CDH12: variants seen among roughly 807,000 people sequenced by gnomAD.
CDH12 encodes cadherin 12, also known as cadherin-12.
CDH12 carries 41 observed loss-of-function variants against 74.1 expected under a neutral mutation model. The observed-to-expected ratio is 0.55, with a 90% CI of 0.43 to 0.72. The LOEUF (loss-of-function observed/expected upper bound fraction) is 0.72, where lower values mean the gene tolerates loss of function less well. Ranked by LOEUF, CDH12 falls within the 30% of genes least tolerant of loss-of-function variation. CDH12 has a pLI of 0.00. For synonymous variants in CDH12, 399 were observed against 355.0 expected (o/e 1.12, Z -1.39); for missense variants, 945 against 977.2 (o/e 0.97, Z 0.44).
At chr5:22,214,827 C>T (rs529015132) in intron 3 of CDH12, among the ~76,000 whole-genome samples, 17 of 152,306 alleles carry the variant, frequency 1.1e-4, no homozygotes, top group Admixed American at 9.2e-4. Flanking sequence ...AATAACCAGC[C>T]TTTCTGTTCT....
At chr5:22,180,605 C>T (rs4438844) in intron 4 of CDH12, among the ~76,000 whole-genome samples, 1,735 of 152,018 alleles carry the variant, frequency 0.011, 33 homozygotes, top group African/African-American at 0.04. Flanking sequence ...CTCTGCCTCC[C>T]GGGTTTCAAG....
At chr5:22,741,305 T>C (rs1484787260) in intron 1 of CDH12, among the ~76,000 whole-genome samples, 1 of 152,214 alleles carries the variant, frequency 6.6e-6, no homozygotes, top group Non-Finnish European at 1.5e-5. Context: ...GATTCTTTGC[T>C]TTTACATTTA....
chr5:22,700,580 C>T (rs1014004326), intron 1 of CDH12, among the ~76,000 whole-genome samples: 1 of 152,192 alleles, frequency 6.6e-6, no homozygotes, highest in Non-Finnish European at 1.5e-5. Flanking sequence ...AAGCAGAAAC[C>T]GTGATAAGAA....
chr5:22,302,987 A>G (rs1386075128), intron 3 of CDH12, among the ~76,000 whole-genome samples: 1 of 152,160 alleles, frequency 6.6e-6, no homozygotes, highest in South Asian at 2.1e-4. Context: ...ATAACTAAGA[A>G]GTGTATACTG....
chr5:22,284,116 C>CA (rs1442701827), intron 3 of CDH12, among the ~76,000 whole-genome samples: 2 of 152,108 alleles, frequency 1.3e-5, no homozygotes, highest in African/African-American at 4.8e-5. Flanking sequence ...CTCGATGTGA[C>CA]AGAGTATAAA....
intron 2 of CDH12, among the ~76,000 whole-genome samples, chr5:22,443,258 A>C (rs1744695207): frequency 6.6e-6 from 1 of 152,114 alleles, no homozygotes; most frequent in South Asian, 2.1e-4. Flanking sequence ...AACAGCACAA[A>C]ACCTAAAATT....
intron 1 of CDH12, among the ~76,000 whole-genome samples, chr5:22,717,253 T>A (rs916703356): frequency 2.0e-5 from 3 of 152,274 alleles, no homozygotes; most frequent in Middle Eastern, 3.4e-3. Flanking sequence ...CCTTTTTTTT[T>A]AATCTTTTAC....
intron 1 of CDH12, among the ~76,000 whole-genome samples, chr5:22,713,814 C>T (rs923843259): frequency 1.3e-5 from 2 of 152,064 alleles, no homozygotes; most frequent in African/African-American, 2.4e-5. Context: ...TCACCTTATC[C>T]TGACTTTTAA....
chr5:22,233,736 G>C (rs73742071), intron 3 of CDH12, among the ~76,000 whole-genome samples: 1 of 152,080 alleles, frequency 6.6e-6, no homozygotes, highest in East Asian at 1.9e-4. Context: ...ATGATATAAA[G>C]TTGGACAAAG....
intron 2 of CDH12, among the ~76,000 whole-genome samples, chr5:22,452,966 A>T (rs529204517): frequency 6.6e-6 from 1 of 151,670 alleles, no homozygotes; most frequent in Non-Finnish European, 1.5e-5. Flanking sequence ...AAAAATAGCC[A>T]AAAGGTATGT....
At chr5:21,783,748 A>G (rs1447396247) in intron 10 of CDH12, among the ~76,000 whole-genome samples, 2 of 152,126 alleles carry the variant, frequency 1.3e-5, no homozygotes, top group Non-Finnish European at 2.9e-5. Flanking sequence ...CTCAGCAGAG[A>G]CTAAAATTCT....
chr5:22,101,575 C>A (rs962695958), intron 4 of CDH12, among the ~76,000 whole-genome samples: 1 of 151,986 alleles, frequency 6.6e-6, no homozygotes, highest in African/African-American at 2.4e-5. Context: ...TTCAAGTCTG[C>A]ACAGAAGTAT....
At chr5:21,909,099 A>G (rs1753759274) in intron 6 of CDH12, among the ~76,000 whole-genome samples, 1 of 152,146 alleles carries the variant, frequency 6.6e-6, no homozygotes, top group Admixed American at 6.6e-5. Flanking sequence ...ATTGTTTAAT[A>G]ATTTAGACTG....
intron 6 of CDH12, among the ~76,000 whole-genome samples, chr5:21,893,228 G>A (rs934678456): frequency 1.3e-5 from 2 of 151,902 alleles, no homozygotes; most frequent in Non-Finnish European, 2.9e-5. Flanking sequence ...TCATTTGAAT[G>A]CGTGTTTGCA....
chr5:21,937,614 G>A (rs1755131560), intron 6 of CDH12, among the ~76,000 whole-genome samples: 1 of 152,208 alleles, frequency 6.6e-6, no homozygotes. Flanking sequence ...TGTCAACCAA[G>A]ATAGGGAATA....
intron 1 of CDH12, among the ~76,000 whole-genome samples, chr5:22,570,091 C>T (rs569095283): frequency 8.8e-4 from 134 of 151,828 alleles, no homozygotes; most frequent in Middle Eastern, 3.4e-3. Context: ...AGTCTCGCTG[C>T]GATGCCCAGG....
chr5:22,229,315 A>G (rs904511513), intron 3 of CDH12, among the ~76,000 whole-genome samples: 3 of 150,878 alleles, frequency 2.0e-5, no homozygotes, highest in Admixed American at 6.7e-5. Context: ...TATCACTTCT[A>G]AAATCAAGTA....
At chr5:22,095,594 G>T (rs1050269137) in intron 4 of CDH12, among the ~76,000 whole-genome samples, 4 of 151,180 alleles carry the variant, frequency 2.6e-5, no homozygotes, top group Non-Finnish European at 2.9e-5. Flanking sequence ...TTTCTGGGGG[G>T]CAAGAACCCC....
chr5:22,119,138 GA>G (rs1042449322), intron 4 of CDH12, among the ~76,000 whole-genome samples: 2 of 152,046 alleles, frequency 1.3e-5, no homozygotes, highest in Non-Finnish European at 2.9e-5. Flanking sequence ...TCGTTGTCAG[GA>G]GTCAGGCAAA....
Sources: allele counts gnomAD v4.1 joint callset (sites outside exome capture counted in the v4.1 genomes callset), GRCh38; gene constraint gnomAD v4.1.1; transcripts MANE v1.5; gene names NCBI Gene and HGNC (gene_info 2026-07-23, HGNC 2026-07-21).